The following PRKCZ variants were observed in gnomAD, a reference collection of about 807,000 sequenced individuals.
The protein encoded by PRKCZ is protein kinase C zeta type.
A neutral mutation model predicts 79.5 loss-of-function variants in PRKCZ; 33 were observed. That is an observed-to-expected ratio of 0.41 (90% CI 0.31 to 0.55). The LOEUF is 0.55. Ranked by LOEUF, PRKCZ falls within the 20% of genes least tolerant of loss-of-function variation. PRKCZ has a pLI of 0.19. For missense variants in PRKCZ, 578 were observed against 813.5 expected, an observed-to-expected ratio of 0.71 and a Z score of 3.52; for synonymous variants, 342 against 320.9, an observed-to-expected ratio of 1.07 and a Z score of -0.70.
chr1:2,170,683 CACGT>C (rs1684255493), intron 11 of PRKCZ, among the ~76,000 whole-genome samples: 2 of 152,254 alleles, frequency 1.3e-5, no homozygotes, highest in Non-Finnish European at 2.9e-5. Context: ...CCCAGACGGG[CACGT>C]CCCACTTTCT....
At chr1:2,077,692 C>T (rs1012298333) in intron 4 of PRKCZ, among the ~76,000 whole-genome samples, 6 of 152,254 alleles carry the variant, frequency 3.9e-5, no homozygotes, top group African/African-American at 9.6e-5. Flanking sequence ...GCCCCAGCTC[C>T]ACTCCCTGGA....
chr1:2,100,463 A>C (rs1167769963), intron 4 of PRKCZ, among the ~76,000 whole-genome samples: 1 of 152,138 alleles, frequency 6.6e-6, no homozygotes, highest in African/African-American at 2.4e-5. Flanking sequence ...CTTTGTATCT[A>C]AATGCTGTGT....
rs949279970 is a variant in PRKCZ, at chr1:2,099,560, C to T, written c.335-35702C>T. 3.9e-5 allele frequency among the ~76,000 whole-genome samples: 6 copies of T among 152,138 alleles called. No individual in the cohort carries two copies. The East Asian group carries it at 1.2e-3, about 29-fold the overall frequency. ...GGAGGAGTGACTTCCAGATGAGGCT[C>T]ACAGGACTGTACCCGGAGGGAGGGG... On this transcript the variant is annotated intron_variant, in intron 4 of 17. Coordinates refer to ENST00000378567, the MANE Select transcript of PRKCZ (RefSeq NM_002744.6).
intron 4 of PRKCZ, among the ~76,000 whole-genome samples, chr1:2,134,413 T>TC (rs1443923528): frequency 6.6e-6 from 1 of 152,206 alleles, no homozygotes; most frequent in African/African-American, 2.4e-5. Context: ...GCACAAAGCT[T>TC]CCCATTGTAC....
intron 10 of PRKCZ, among the ~76,000 whole-genome samples, chr1:2,159,497 T>C (rs149576967): frequency 6.6e-6 from 1 of 152,344 alleles, no homozygotes; most frequent in East Asian, 1.9e-4. Flanking sequence ...CCGGGCCATA[T>C]CCAGGGGGAA....
chr1:2,132,402 C>G (rs72925854), intron 4 of PRKCZ, among the ~76,000 whole-genome samples: 4,345 of 152,284 alleles, frequency 0.029, 158 homozygotes, highest in African/African-American at 0.085. Flanking sequence ...CTGCCGGGCC[C>G]TAGGGGGAGC....
At chr1:2,102,556 T>A (rs950394115) in intron 4 of PRKCZ, among the ~76,000 whole-genome samples, 1 of 152,026 alleles carries the variant, frequency 6.6e-6, no homozygotes, top group African/African-American at 2.4e-5. Flanking sequence ...ATGGTCTCGA[T>A]CTCCTGACCT....
Position 2,168,863 on chromosome 1 carries a change from G to A in PRKCZ, c.975-655G>A, listed in dbSNP as rs537029795. ...ATGAGAATTTAATTTTGAAAATTGA[G>A]TCTCATGAAATGTAGGAAAAGATCT... On this transcript the variant is annotated intron_variant, in intron 10 of 17. Coordinates refer to ENST00000378567, the MANE Select transcript of PRKCZ (RefSeq NM_002744.6). This position sits in a 1 kb window ranked among gnomAD's most constrained non-coding sequence, Gnocchi z 4.7. 1.4e-4 allele frequency: 29 copies of A among 207,628 alleles called. No individual in the cohort carries two copies. The highest frequency in any genetic ancestry group is 6.2e-4 in the African/African-American group (27 of 43,414). 12.9% of individuals were successfully genotyped at this position (207,628 alleles called of 1,614,324 possible).
At chr1:2,070,331 G>A (rs533579421) in intron 4 of PRKCZ, among the ~76,000 whole-genome samples, 7 of 152,330 alleles carry the variant, frequency 4.6e-5, no homozygotes, top group South Asian at 2.1e-4. Context: ...GGGTGGTCCC[G>A]GTAGTGGCTT....
chr1:2,056,338 C>G, intron 2 of PRKCZ, 146 bp from the exon 3 acceptor site: 1 of 701,212 alleles, frequency 1.4e-6, no homozygotes, highest in Non-Finnish European at 2.3e-6. Context: ...GTCCTTGGAC[C>G]TCCCGACCCT....
intron 4 of PRKCZ, among the ~76,000 whole-genome samples, chr1:2,121,234 C>G (rs1671820063): frequency 6.6e-6 from 1 of 152,208 alleles, no homozygotes; most frequent in African/African-American, 2.4e-5. Flanking sequence ...CGGGGGCAGT[C>G]TTGTCTGAAC....
At chr1:2,109,442 C>T (rs922497137) in intron 4 of PRKCZ, among the ~76,000 whole-genome samples, 2 of 152,244 alleles carry the variant, frequency 1.3e-5, no homozygotes, top group East Asian at 1.9e-4. Context: ...ATACCTGCTC[C>T]GTCCTCCTCA....
chr1:2,173,455 C>T lies in PRKCZ; in HGVS notation c.1286-442C>T, dbSNP rs1019501588. On this transcript the variant is annotated intron_variant, in intron 13 of 17. Coordinates refer to ENST00000378567, the MANE Select transcript of PRKCZ (RefSeq NM_002744.6). The surrounding 1 kb of genome is among the most constrained non-coding windows in gnomAD (Gnocchi z 5.7). ...GTCTCCCACCCCTCATTCGCTGGAA[C>T]ACATTCCCAACAGGTTGACTACTTG... Among the ~76,000 whole-genome samples, 6 of 152,194 alleles carry T rather than the reference C, an allele frequency of 3.9e-5. No homozygotes were observed. The highest frequency in any genetic ancestry group is 6.5e-5 in the Admixed American group (1 of 15,282).
intron 10 of PRKCZ, among the ~76,000 whole-genome samples, chr1:2,160,238 CGTGTGTGTGT>C (rs56068331): frequency 2.7e-5 from 4 of 146,374 alleles, no homozygotes; most frequent in Admixed American, 2.0e-4. Flanking sequence ...CAGCAGTGTG[CGTGTGTGTGT>C]GTGTGTGTGT....
rs1372544818 is a variant in PRKCZ, at chr1:2,125,808, G to A, written c.335-9454G>A. On this transcript the variant is annotated intron_variant, in intron 4 of 17. Transcript: ENST00000378567. This position sits in a 1 kb window ranked among gnomAD's most constrained non-coding sequence, Gnocchi z 4.2. ...CAGAGGCTGTCCCTTGGGGGCCCACGCATCCTAGCCACGGCCTCCTCACGT... is the reference window on the plus strand; with the variant it reads ...CAGAGGCTGTCCCTTGGGGGCCCACACATCCTAGCCACGGCCTCCTCACGT... Among the ~76,000 whole-genome samples, 6 of 152,230 alleles carry A rather than the reference G, an allele frequency of 3.9e-5. No homozygotes were observed. Among genetic ancestry groups the A allele is most frequent in the Non-Finnish European group, 8.8e-5 (6 of 68,032 alleles).
Position 2,184,696 on chromosome 1 carries a change from T to C in PRKCZ, c.1689T>C (p.Asp563=). ...AGCCCGTGCAGCTGACCCCAGACGATGAGTGAGTCCCACTGGGTGCGGGTC... is the reference window on the plus strand; with the variant it reads ...AGCCCGTGCAGCTGACCCCAGACGACGAGTGAGTCCCACTGGGTGCGGGTC... ...TSEPVQLTPD[D]EDAIKRIDQS... The change falls in exon 17 of 18, where the codon GAT becomes GAC. Residue 563 remains aspartate (D), a splice_region_variant and synonymous_variant. Transcript: ENST00000378567. The C allele has an allele frequency of 6.2e-7, 1 of 1,612,664 alleles. No homozygotes were observed. The highest frequency in any genetic ancestry group is 8.5e-7 in the Non-Finnish European group (1 of 1,179,312).
At chr1:2,163,849 A>G (rs1274949567) in intron 10 of PRKCZ, among the ~76,000 whole-genome samples, 1 of 152,140 alleles carries the variant, frequency 6.6e-6, no homozygotes, top group East Asian at 1.9e-4. Flanking sequence ...CAGTGAACGG[A>G]GATTGCACCA....
intron 4 of PRKCZ, among the ~76,000 whole-genome samples, chr1:2,124,792 T>C (rs1397494405): frequency 6.6e-6 from 1 of 152,026 alleles, no homozygotes; most frequent in Admixed American, 6.6e-5. Context: ...ACGCCGTGCA[T>C]GTGCAGGGCT....
At chr1:2,155,343 A>G (rs1385200148) in intron 9 of PRKCZ, among the ~76,000 whole-genome samples, 3 of 149,370 alleles carry the variant, frequency 2.0e-5, no homozygotes, top group South Asian at 2.2e-4. Context: ...GGTGATGACA[A>G]TGGTGGTGAT....
Sources: allele counts gnomAD v4.1 joint callset (sites outside exome capture counted in the v4.1 genomes callset), GRCh38; gene constraint gnomAD v4.1.1; non-coding constraint Gnocchi (gnomAD v3.1); transcripts MANE v1.5; gene names NCBI Gene and HGNC (gene_info 2026-07-23, HGNC 2026-07-21).